CAMTA1: variants seen among roughly 807,000 people sequenced by gnomAD.
The protein encoded by CAMTA1 is calmodulin binding transcription activator 1, also known as calmodulin-binding transcription activator 1.
CAMTA1 carries 27 observed loss-of-function variants against 170.9 expected under a neutral mutation model. The observed-to-expected ratio is 0.16, with a 90% confidence interval of 0.12 to 0.22. CAMTA1 has a LOEUF of 0.22. CAMTA1 is among the 10% of genes least tolerant of loss of function. The pLI is 1.00. For synonymous variants in CAMTA1, 833 were observed against 891.5 expected (o/e 0.93, Z 1.17); for missense variants, 1,619 against 2,217.2 (o/e 0.73, Z 5.42).
At chr1:7,192,284 C>T (rs1352216480) in intron 4 of CAMTA1, among the ~76,000 whole-genome samples, 4 of 152,228 alleles carry the variant, frequency 2.6e-5, no homozygotes, top group Non-Finnish European at 5.9e-5. Context: ...ACAAGCTCCT[C>T]AGCTGACTTG....
intron 4 of CAMTA1, among the ~76,000 whole-genome samples, chr1:7,111,617 G>C (rs1644043678): frequency 6.6e-6 from 1 of 152,104 alleles, no homozygotes; most frequent in Admixed American, 6.5e-5. Context: ...TGGTTGGGGT[G>C]GTTCACACCT....
rs2095760245 is a variant in CAMTA1 at position 7,641,459 on chromosome 1, G to A, written c.664+906G>A. On this transcript the variant is annotated intron_variant, in intron 7 of 22. Coordinates refer to ENST00000303635, the MANE Select transcript of CAMTA1 (RefSeq NM_015215.4). This position sits in a 1 kb window ranked among gnomAD's most constrained non-coding sequence, Gnocchi z 4.5. Reference sequence around the variant, plus strand: ...GCTGTTGGTCACCATATACAGCGGGGGGACTGAAATATTCTTTCTGCGGCT... The same window carrying A: ...GCTGTTGGTCACCATATACAGCGGGAGGACTGAAATATTCTTTCTGCGGCT... 6.6e-6 allele frequency among the ~76,000 whole-genome samples: 1 copy of A among 152,186 alleles called. No homozygotes were observed.
At chr1:7,284,654 C>T (rs571120881) in intron 5 of CAMTA1, among the ~76,000 whole-genome samples, 8 of 152,356 alleles carry the variant, frequency 5.3e-5, no homozygotes, top group African/African-American at 1.9e-4. Flanking sequence ...CCAGCCTCTC[C>T]TGGGCCGTGG....
chr1:7,032,165 CA>C (rs1167507210), intron 3 of CAMTA1, among the ~76,000 whole-genome samples: 1 of 152,096 alleles, frequency 6.6e-6, no homozygotes, highest in Admixed American at 6.5e-5. Flanking sequence ...AGGGTTTCAC[CA>C]TTTGACCAGG....
intron 3 of CAMTA1, among the ~76,000 whole-genome samples, chr1:7,074,455 G>A (rs183097015): frequency 2.0e-5 from 3 of 152,252 alleles, no homozygotes; most frequent in African/African-American, 4.8e-5. Context: ...TTTATCTAAG[G>A]CCTCCTACCC....
At position 7,203,176 on chromosome 1, in the gene CAMTA1, C is replaced by G. The variant is rs148444524; in HGVS notation, c.303-46315C>G. On this transcript the variant is annotated intron_variant, in intron 4 of 22. Coordinates refer to ENST00000303635, the MANE Select transcript of CAMTA1 (RefSeq NM_015215.4). ...GTTGATTTTCAGATGCTGAACCAAC[C>G]TTGACTTCCTGGGATAAGTCTTACT... Among the ~76,000 whole-genome samples, 278 of 152,286 alleles carry G rather than the reference C, an allele frequency of 1.8e-3. 2 individuals carry two copies. Among genetic ancestry groups the G allele is most frequent in the African/African-American group, 6.4e-3 (267 of 41,558 alleles).
intron 4 of CAMTA1, among the ~76,000 whole-genome samples, chr1:7,246,483 C>T (rs7521425): frequency 0.55 from 82,632 of 151,200 alleles, 23,350 homozygotes; most frequent in South Asian, 0.69. Flanking sequence ...ATCCTGTCTG[C>T]CTGCAATTCC....
In CAMTA1 at chr1:7,616,663, G is replaced by A. The variant is rs1353554136; in HGVS notation, c.511-23737G>A. On this transcript the variant is annotated intron_variant, in intron 6 of 22. Coordinates refer to ENST00000303635, the MANE Select transcript of CAMTA1 (RefSeq NM_015215.4). The stretch of plus-strand genomic sequence containing the variant: ...AGGGGGAATGGAGGGGGACCCTAGG[G>A]AGGCCAAGTCCCCTGTGTGAGCTGG... Among the ~76,000 whole-genome samples the A allele has an allele frequency of 7.2e-5, 11 of 152,292 alleles. 1 individual carries two copies. The highest frequency in any genetic ancestry group is 1.7e-4 in the African/African-American group (7 of 41,558).
intron 5 of CAMTA1, among the ~76,000 whole-genome samples, chr1:7,434,779 G>A (rs146386364): frequency 0.021 from 3,193 of 151,662 alleles, 103 homozygotes; most frequent in African/African-American, 0.073. Context: ...GGTGGCTCAC[G>A]CCTGTAATCT....
intron 5 of CAMTA1, among the ~76,000 whole-genome samples, chr1:7,309,207 T>G (rs2149597032): frequency 6.6e-6 from 1 of 152,134 alleles, no homozygotes; most frequent in East Asian, 1.9e-4. Context: ...ATGCATTTTT[T>G]GGGAACAACA....
In CAMTA1 at chr1:7,738,546, G is replaced by A. The variant is rs1173175893; in HGVS notation, c.4182+64G>A. On this transcript the variant is annotated intron_variant, in intron 16 of 22. Coordinates refer to ENST00000303635, the MANE Select transcript of CAMTA1 (RefSeq NM_015215.4). The surrounding 1 kb of genome is among the most constrained non-coding windows in gnomAD (Gnocchi z 4.9). ...GCGTTCCAGTTGCTGTGATCTTTAT[G>A]GTCCATTTCCGAAGGTTGTGTCATT... 1 of 1,530,524 alleles carries A rather than the reference G, an allele frequency of 6.5e-7. No individual in the cohort carries two copies. The highest frequency in any genetic ancestry group is 1.9e-5 in the Admixed American group (1 of 52,432). 94.8% of individuals were successfully genotyped at this position (1,530,524 alleles called of 1,614,324 possible). A position where few individuals can be genotyped will look rare whatever the true frequency, so the allele number is the denominator to read the frequency against.
chr1:7,762,846 T>C (rs2096985840), intron 22 of CAMTA1, among the ~76,000 whole-genome samples: 1 of 152,220 alleles, frequency 6.6e-6, no homozygotes, highest in African/African-American at 2.4e-5. Flanking sequence ...AAAATCAATA[T>C]AGTGTCTTAT....
intron 4 of CAMTA1, among the ~76,000 whole-genome samples, chr1:7,129,151 A>G (rs1645104350): frequency 6.6e-6 from 1 of 151,986 alleles, no homozygotes; most frequent in South Asian, 2.1e-4. Context: ...CCCCATTTTT[A>G]AAGAAGAAGA....
chr1:7,704,736 A>C (rs1024959731), intron 11 of CAMTA1, among the ~76,000 whole-genome samples: 5 of 146,574 alleles, frequency 3.4e-5, no homozygotes, highest in African/African-American at 9.9e-5. Flanking sequence ...AGACCGCGGT[A>C]CCCGGAGCCC....
intron 3 of CAMTA1, among the ~76,000 whole-genome samples, chr1:6,972,281 C>T (rs987536521): frequency 1.3e-5 from 2 of 152,132 alleles, no homozygotes; most frequent in African/African-American, 2.4e-5. Context: ...CTGAAAGTCC[C>T]GTGTGTGCTC....
intron 3 of CAMTA1, among the ~76,000 whole-genome samples, chr1:7,030,351 C>T (rs1183288497): frequency 2.6e-5 from 4 of 152,000 alleles, no homozygotes; most frequent in Non-Finnish European, 5.9e-5. Context: ...ATATTGGTTC[C>T]CTGAGTTATG....
At chr1:7,734,137 G>A (rs1201562661) in intron 12 of CAMTA1, among the ~76,000 whole-genome samples, 4 of 152,120 alleles carry the variant, frequency 2.6e-5, no homozygotes, top group Non-Finnish European at 4.4e-5. Context: ...AGTAGAGACG[G>A]GGTTTCCCCA....
chr1:7,449,900 C>T (rs1221337389), intron 5 of CAMTA1, among the ~76,000 whole-genome samples: 3 of 152,160 alleles, frequency 2.0e-5, no homozygotes, highest in Non-Finnish European at 4.4e-5. Context: ...CATGCAGCCC[C>T]CAGGGGAGAA....
intron 6 of CAMTA1, among the ~76,000 whole-genome samples, chr1:7,489,796 A>G (rs1409516321): frequency 6.6e-6 from 1 of 152,066 alleles, no homozygotes; most frequent in Non-Finnish European, 1.5e-5. Context: ...AGCAGTTCCC[A>G]TGCCAGGGGC....
Sources: allele counts gnomAD v4.1 joint callset (sites outside exome capture counted in the v4.1 genomes callset), GRCh38; gene constraint gnomAD v4.1.1; non-coding constraint Gnocchi (gnomAD v3.1); transcripts MANE v1.5; gene names NCBI Gene and HGNC (gene_info 2026-07-23, HGNC 2026-07-21).